The following ATP2B3 variants were observed in gnomAD, a reference collection of about 807,000 sequenced individuals.
The protein encoded by ATP2B3 is ATPase plasma membrane Ca2+ transporting 3.
A neutral mutation model predicts 70.8 loss-of-function variants in ATP2B3; 12 were observed. The observed-to-expected ratio is 0.17, with a 90% CI of 0.11 to 0.27. ATP2B3 has a LOEUF of 0.27. Among genes scored for constraint, ATP2B3 ranks in the 10% least tolerant of loss-of-function variants. The pLI, the probability that ATP2B3 is intolerant of heterozygous loss-of-function variation, is 1.00. For synonymous variants in ATP2B3, 460 were observed against 497.8 expected (o/e 0.92, Z 1.01); for missense variants, 858 against 1,118.5 (o/e 0.77, Z 3.32).
At position 153,543,177 on chromosome X, in the gene ATP2B3, G is replaced by C. The variant is rs781989941; in HGVS notation, c.916+9G>C. ...GAAGAAAGATAAGAAAGGTAGCGCA[G>C]CAGTGCCGCCAGTCCCTGGTGCTGG... On this transcript the variant is annotated intron_variant, in intron 7 of 21. Coordinates refer to ENST00000263519, the MANE Select transcript of ATP2B3 (RefSeq NM_001001344.3). The C allele has an allele frequency of 1.7e-6, 2 of 1,202,989 alleles. No individual in the cohort carries two copies. Among genetic ancestry groups the C allele is most frequent in the South Asian group, 1.8e-5 (1 of 55,656 alleles).
At chrX:153,564,420 C>T (rs1418017875) in intron 20 of ATP2B3, among the ~76,000 whole-genome samples, 2 of 112,754 alleles carry the variant, frequency 1.8e-5, no homozygotes, top group Non-Finnish European at 3.8e-5. Flanking sequence ...GTGTAGCCTA[C>T]GGGGCACGGT....
At chrX:153,527,098 C>T (rs1296170747) in intron 2 of ATP2B3, among the ~76,000 whole-genome samples, 2 of 112,573 alleles carry the variant, frequency 1.8e-5, no homozygotes, top group Non-Finnish European at 3.8e-5. Context: ...CCTTAATTAC[C>T]TATTTAGGCC....
chrX:153,578,625 G>A (rs188887009), intron 21 of ATP2B3, among the ~76,000 whole-genome samples: 78 of 112,695 alleles, frequency 6.9e-4, no homozygotes, highest in African/African-American at 2.4e-3. Context: ...AAGGGCTGCC[G>A]TGCGCTCAGC....
chrX:153,557,789 A>G (rs2090561144), intron 16 of ATP2B3, among the ~76,000 whole-genome samples: 1 of 109,247 alleles, frequency 9.2e-6, no homozygotes, highest in African/African-American at 3.3e-5. Context: ...AGAACAGACC[A>G]CGCTGCTTGG....
intron 19 of ATP2B3, 33 bp downstream of exon 19, chrX:153,560,920 C>A (rs1557016106): frequency 2.5e-6 from 3 of 1,205,192 alleles, no homozygotes; most frequent in Admixed American, 2.2e-5. Flanking sequence ...TGGCCTCTGC[C>A]ACTTGCAAAA....
At position 153,580,148 on chromosome X, in the gene ATP2B3, C is replaced by T; in HGVS notation, c.3513C>T (p.Leu1171=). 1 of 1,211,480 alleles carries T rather than the reference C, an allele frequency of 8.3e-7. No individual in the cohort carries two copies. The highest frequency in any genetic ancestry group is 1.1e-6 in the Non-Finnish European group (1 of 895,329). Residue 1171 remains leucine (L), a synonymous_variant, in exon 22 of 22, where the codon CTC becomes CTT. Coordinates refer to ENST00000263519, the MANE Select transcript of ATP2B3 (RefSeq NM_001001344.3). ...ACGTGGACGAGAACGAGGAGCGCCT[C>T]CGGGCCCCCCCGCCCCCGTCCCCCA... ...DTDVDENEER[L]RAPPPPSPNQ... is the part of the protein sequence containing the mutation.
At position 153,562,158 on chromosome X, in the gene ATP2B3, G is replaced by A; in HGVS notation, c.3075G>A (p.Gly1025=). The A allele has an allele frequency of 1.6e-6, 2 of 1,212,159 alleles. No individual in the cohort carries two copies. Among genetic ancestry groups the A allele is most frequent in the South Asian group, 3.5e-5 (2 of 57,047 alleles). ...AGATTGTCATCGTCCAGTTTGGCGG[G>A]AAGCCCTTCAGCTGCTCCCCACTAT... ...GIQIVIVQFG[G]KPFSCSPLST... is the part of the protein sequence containing the mutation. The change falls in exon 20 of 22, where the codon GGG becomes GGA. Residue 1025 remains glycine (G), a synonymous_variant. Transcript: ENST00000263519.
intron 21 of ATP2B3, among the ~76,000 whole-genome samples, chrX:153,579,586 G>A (rs551139257): frequency 2.7e-5 from 3 of 112,228 alleles, no homozygotes; most frequent in South Asian, 7.4e-4. Flanking sequence ...AAAGCCACTC[G>A]TCTCCCCAGG....
At chrX:153,562,877 G>A (rs782211644) in intron 20 of ATP2B3, among the ~76,000 whole-genome samples, 21 of 112,455 alleles carry the variant, frequency 1.9e-4, no homozygotes, top group Admixed American at 1.1e-3. Context: ...GGGAGCCAGC[G>A]GGGCCAGTTC....
At chrX:153,520,097 G>A (rs782692899) in intron 2 of ATP2B3, among the ~76,000 whole-genome samples, 1 of 111,876 alleles carries the variant, frequency 8.9e-6, no homozygotes, top group East Asian at 2.8e-4. Context: ...GTGGGCCTGG[G>A]GGAGCTGGAG....
chrX:153,562,558 A>G (rs2090640362), intron 20 of ATP2B3, among the ~76,000 whole-genome samples: 1 of 112,098 alleles, frequency 8.9e-6, no homozygotes, highest in Non-Finnish European at 1.9e-5. Flanking sequence ...TTTTAAATCA[A>G]TCAAACAGCA....
intron 3 of ATP2B3, among the ~76,000 whole-genome samples, chrX:153,539,594 C>G (rs188911937): frequency 8.8e-6 from 1 of 113,362 alleles, no homozygotes; most frequent in East Asian, 2.8e-4. Context: ...CTGGTCATCC[C>G]GTCCCTGCAG....
intron 6 of ATP2B3, 86 bp downstream of exon 6, chrX:153,542,534 C>T: frequency 3.6e-6 from 4 of 1,115,519 alleles, no homozygotes; most frequent in Non-Finnish European, 4.8e-6. Flanking sequence ...GCCTGCTGGG[C>T]TCAGCCTCCA....
At chrX:153,540,624 T>C (rs782756356) in intron 3 of ATP2B3, among the ~76,000 whole-genome samples, 1 of 112,653 alleles carries the variant, frequency 8.9e-6, no homozygotes, top group East Asian at 2.8e-4. Flanking sequence ...CTGCCCACCC[T>C]CTTTGCAGGC....
Position 153,529,775 on chromosome X carries a change from A to G in ATP2B3, c.-126-6347A>G, listed in dbSNP as rs191871983. ...CACTGTCCGTCCCCTCAGATTTCAC[A>G]GCTCTCCTATGAGGCCCTCACAGGA... On this transcript the variant is annotated intron_variant, in intron 2 of 21. Transcript: ENST00000263519. Among the ~76,000 whole-genome samples the G allele has an allele frequency of 3.1e-4, 34 of 110,056 alleles. No individual in the cohort carries two copies. In the East Asian group the frequency reaches 4.9e-3, roughly 16 times the overall value.
intron 8 of ATP2B3, among the ~76,000 whole-genome samples, chrX:153,547,335 G>A (rs1341985163): frequency 9.0e-6 from 1 of 111,120 alleles, no homozygotes; most frequent in African/African-American, 3.3e-5. Flanking sequence ...CTCCAGGGGA[G>A]AGGCAGGGAG....
chrX:153,565,113 G>A lies in ATP2B3; in HGVS notation c.3342+10G>A, dbSNP rs782722592. ...CCGGATTCAGACGCAGGTAAGCCCCGACTCGCTCTCGCCCTGGCACTTCCA... is the reference window on the plus strand; with the variant it reads ...CCGGATTCAGACGCAGGTAAGCCCCAACTCGCTCTCGCCCTGGCACTTCCA... On this transcript the variant is annotated intron_variant, in intron 21 of 21. Transcript: ENST00000263519. The A allele has an allele frequency of 5.0e-5, 58 of 1,169,222 alleles. No homozygotes were observed. The highest frequency in any genetic ancestry group is 5.9e-5 in the Non-Finnish European group (52 of 873,971).
Position 153,553,071 on chromosome X carries a change from G to C in ATP2B3, c.1860G>C (p.Arg620=), listed in dbSNP as rs1557012137. Reference sequence around the variant, plus strand: ...TCTTGAACAGCAATGGCGAACTCCGGGGCTTTCGGCCTCGGGACCGGGACG... The same window carrying C: ...TCTTGAACAGCAATGGCGAACTCCGCGGCTTTCGGCCTCGGGACCGGGACG... ...TNILNSNGEL[R]GFRPRDRDDM... Residue 620 remains arginine, a synonymous_variant, in exon 13 of 22, where the codon CGG becomes CGC. Transcript: ENST00000263519. 8.3e-7 allele frequency: 1 copy of C among 1,208,010 alleles called. No individual in the cohort carries two copies.
intron 2 of ATP2B3, among the ~76,000 whole-genome samples, chrX:153,535,131 C>T (rs886790033): frequency 1.9e-4 from 22 of 112,981 alleles, no homozygotes; most frequent in African/African-American, 4.2e-4. Flanking sequence ...CAGTGGGCCC[C>T]GCCAAACACT....
Sources: allele counts gnomAD v4.1 joint callset (sites outside exome capture counted in the v4.1 genomes callset), GRCh38; gene constraint gnomAD v4.1.1; transcripts MANE v1.5; gene names NCBI Gene and HGNC (gene_info 2026-07-23, HGNC 2026-07-21).